The following GNA14 variants were observed in gnomAD, a reference collection of about 807,000 sequenced individuals.
GNA14 encodes guanine nucleotide-binding protein subunit alpha-14.
Under a neutral mutation model 42.0 loss-of-function variants are expected in GNA14, and 50 were observed. The observed-to-expected ratio is 1.19, with a 90% CI of 0.95 to 1.51. The LOEUF (loss-of-function observed/expected upper bound fraction) is 1.51. Ranked by LOEUF, GNA14 falls within the 40% of genes most tolerant of loss-of-function variation. The probability of loss-of-function intolerance (pLI) is 0.00; values close to 1 mark genes in which losing one functional copy is unlikely to be tolerated. For synonymous variants in GNA14, 173 were observed against 163.1 expected (o/e 1.06, Z -0.46); for missense variants, 473 against 446.2 (o/e 1.06, Z -0.54).
At chr9:77,625,077 T>C (rs1452474634) in intron 1 of GNA14, among the ~76,000 whole-genome samples, 2 of 151,310 alleles carry the variant, frequency 1.3e-5, no homozygotes, top group African/African-American at 2.4e-5. Context: ...CTGATGGAGC[T>C]GAAGAACACA....
At chr9:77,590,031 C>T (rs1365777772) in intron 1 of GNA14, among the ~76,000 whole-genome samples, 1 of 152,074 alleles carries the variant, frequency 6.6e-6, no homozygotes, top group East Asian at 1.9e-4. Context: ...ATTCTCCTGC[C>T]TCAGCCTCCC....
intron 1 of GNA14, among the ~76,000 whole-genome samples, chr9:77,639,471 A>T (rs886438657): frequency 3.3e-5 from 5 of 152,230 alleles, no homozygotes; most frequent in Admixed American, 3.3e-4. Context: ...GGCTGGCTCC[A>T]AAGAACATGC....
At chr9:77,498,821 T>G (rs894785930) in intron 2 of GNA14, among the ~76,000 whole-genome samples, 7 of 152,182 alleles carry the variant, frequency 4.6e-5, no homozygotes, top group Non-Finnish European at 8.8e-5. Context: ...TTGCGGGGTG[T>G]GGGTGTTTGG....
At chr9:77,564,058 C>T (rs903371156) in intron 1 of GNA14, among the ~76,000 whole-genome samples, 6 of 152,116 alleles carry the variant, frequency 3.9e-5, no homozygotes, top group African/African-American at 1.2e-4. Context: ...TGGATCTTCC[C>T]TTAGTCAACA....
chr9:77,586,825 C>T (rs1324136486), intron 1 of GNA14, among the ~76,000 whole-genome samples: 3 of 152,132 alleles, frequency 2.0e-5, no homozygotes, highest in African/African-American at 7.2e-5. Context: ...TTACGGTACC[C>T]GTAGTTGACC....
At chr9:77,559,017 G>C (rs553540829) in intron 1 of GNA14, among the ~76,000 whole-genome samples, 3 of 151,452 alleles carry the variant, frequency 2.0e-5, no homozygotes, top group African/African-American at 7.3e-5. Flanking sequence ...CTTCTCCATC[G>C]TTGGCTGGCT....
chr9:77,448,469 C>T lies in GNA14; in HGVS notation c.310-13947G>A, dbSNP rs564690827. The stretch of plus-strand genomic sequence containing the variant: ...TTGCCCAGCTGTAGGCTAATGTGTT[C>T]TGAGCGCATTTAGCAGGCCAGGCTA... On this transcript the variant is annotated intron_variant, in intron 2 of 6. Transcript: ENST00000341700. Among the ~76,000 whole-genome samples the T allele has an allele frequency of 2.6e-5, 4 of 152,304 alleles. No individual in the cohort carries two copies. The South Asian group carries it at 8.3e-4, about 32-fold the overall frequency.
chr9:77,516,033 G>C (rs114404351), intron 2 of GNA14, among the ~76,000 whole-genome samples: 3 of 146,544 alleles, frequency 2.0e-5, no homozygotes, highest in Admixed American at 6.9e-5. Context: ...ACTATGGGGA[G>C]AGATGGGAAC....
intron 5 of GNA14, among the ~76,000 whole-genome samples, chr9:77,428,083 CTTTTTTTTTTTT>C (rs975674188): frequency 1.7e-5 from 2 of 114,696 alleles, no homozygotes; most frequent in African/African-American, 3.3e-5. Flanking sequence ...TTTTTTTTTT[CTTTTTTTTTTTT>C]TGAGATGGAG....
At chr9:77,574,274 T>A (rs1823099584) in intron 1 of GNA14, among the ~76,000 whole-genome samples, 2 of 152,228 alleles carry the variant, frequency 1.3e-5, no homozygotes, top group South Asian at 4.1e-4. Flanking sequence ...CTTGACGGTA[T>A]TTCAAGTGTG....
chr9:77,513,734 C>T (rs1423786186), intron 2 of GNA14, among the ~76,000 whole-genome samples: 2 of 152,322 alleles, frequency 1.3e-5, no homozygotes, highest in Middle Eastern at 6.8e-3. Flanking sequence ...CACATGATGA[C>T]CTTATAGCTA....
intron 1 of GNA14, among the ~76,000 whole-genome samples, chr9:77,561,751 T>C (rs899482731): frequency 1.3e-5 from 2 of 152,354 alleles, no homozygotes; most frequent in East Asian, 3.8e-4. Flanking sequence ...CACTGAATTA[T>C]ACACTTAAAA....
chr9:77,425,676 T>C lies in GNA14; in HGVS notation c.763A>G (p.Ile255Val). The C allele has an allele frequency of 6.2e-7, 1 of 1,610,278 alleles. No individual in the cohort carries two copies. The highest frequency in any genetic ancestry group is 8.5e-7 in the Non-Finnish European group (1 of 1,176,798). ...GAATTCAGAAACCAGGGGTAGGTGATGATGGTTTTAAATAAGGCTTTGCTC... is the reference window on the plus strand; with the variant it reads ...GAATTCAGAAACCAGGGGTAGGTGACGATGGTTTTAAATAAGGCTTTGCTC... ...EESKALFKTI[I>V]TYPWFLNSSV... The change falls in exon 6 of 7, where the codon ATC (isoleucine) becomes GTC (valine). Residue 255 changes from isoleucine (I) to valine (V), a missense_variant. Coordinates refer to ENST00000341700, the MANE Select transcript of GNA14 (RefSeq NM_004297.4).
chr9:77,623,046 C>T (rs1365262514), intron 1 of GNA14, among the ~76,000 whole-genome samples: 1 of 150,284 alleles, frequency 6.7e-6, no homozygotes, highest in African/African-American at 2.4e-5. Flanking sequence ...GAAACCCTGA[C>T]TCTACTAAAA....
intron 2 of GNA14, among the ~76,000 whole-genome samples, chr9:77,455,421 T>TATCCCATA (rs1239864948): frequency 6.6e-6 from 1 of 152,242 alleles, no homozygotes; most frequent in Non-Finnish European, 1.5e-5. Context: ...TCACTTTGTA[T>TATCCCATA]ATCCCATAAT....
rs563013393 is a variant in GNA14, at chr9:77,606,600, A to G, written c.124+41070T>C. On this transcript the variant is annotated intron_variant, in intron 1 of 6. Coordinates refer to ENST00000341700, the MANE Select transcript of GNA14 (RefSeq NM_004297.4). ...CTGGTAATGCTCAGTGCAACTTATC[A>G]AAGGCTCAGAAGGGAATTCTTTCAG... Among the ~76,000 whole-genome samples, 7 of 152,328 alleles carry G rather than the reference A, an allele frequency of 4.6e-5. No individual in the cohort carries two copies. The South Asian group carries it at 8.3e-4, about 18-fold the overall frequency.
At chr9:77,641,159 A>T (rs1437326537) in intron 1 of GNA14, among the ~76,000 whole-genome samples, 1 of 127,394 alleles carries the variant, frequency 7.8e-6, no homozygotes. Flanking sequence ...GAAGGAAGGA[A>T]GGAAGGAAGG....
Position 77,579,312 on chromosome 9 carries a change from A to C in GNA14, c.125-50059T>G, listed in dbSNP as rs553823642. 4.9e-4 allele frequency among the ~76,000 whole-genome samples: 74 copies of C among 152,272 alleles called. 1 individual carries two copies. The highest frequency in any genetic ancestry group is 2.0e-3 in the Admixed American group (30 of 15,292). The stretch of plus-strand genomic sequence containing the variant: ...CAACAAACACCCATACCCACAGGCT[A>C]CTGGGAATAAATGCTCTCTGCAGGG... On this transcript the variant is annotated intron_variant, in intron 1 of 6. Coordinates refer to ENST00000341700, the MANE Select transcript of GNA14 (RefSeq NM_004297.4).
At chr9:77,562,918 C>T (rs541539253) in intron 1 of GNA14, among the ~76,000 whole-genome samples, 2 of 152,254 alleles carry the variant, frequency 1.3e-5, no homozygotes, top group South Asian at 2.1e-4. Flanking sequence ...GATCATGGGG[C>T]CTCCTATAGG....
Sources: gnomAD v4.1 joint callset for allele counts (sites outside exome capture counted in the v4.1 genomes callset) on GRCh38, gnomAD v4.1.1 for gene constraint, MANE v1.5 for transcripts, NCBI Gene and HGNC (gene_info 2026-07-23, HGNC 2026-07-21) for gene names.